ADAMTS17: variants seen among roughly 807,000 people sequenced by gnomAD.
ADAMTS17 encodes the protein A disintegrin and metalloproteinase with thrombospondin motifs 17.
ADAMTS17 carries 113 observed loss-of-function variants against 141.5 expected under a neutral mutation model. The ratio of observed to expected loss-of-function variants is 0.80; its 90% CI spans 0.69 to 0.93. The LOEUF (loss-of-function observed/expected upper bound fraction) is 0.93. Ranked by LOEUF, ADAMTS17 falls within the 40% of genes least tolerant of loss-of-function variation. The pLI, the probability that ADAMTS17 is intolerant of heterozygous loss-of-function variation, is 0.00. For synonymous variants in ADAMTS17, 768 were observed against 630.6 expected (o/e 1.22, Z -3.27); for missense variants, 1,659 against 1,517.9 (o/e 1.09, Z -1.54).
chr15:100,156,699 GC>G (rs1404468718), intron 8 of ADAMTS17, among the ~76,000 whole-genome samples: 1 of 152,206 alleles, frequency 6.6e-6, no homozygotes, highest in Non-Finnish European at 1.5e-5. Context: ...TTAGCCAGTA[GC>G]TAAGATAGAC....
At chr15:100,006,647 G>C (rs2573664) in intron 18 of ADAMTS17, among the ~76,000 whole-genome samples, 1 of 152,224 alleles carries the variant, frequency 6.6e-6, no homozygotes, top group African/African-American at 2.4e-5. Flanking sequence ...GGTTTGTCCA[G>C]GGGTCCAGTG....
chr15:100,190,842 A>C (rs183145890), intron 8 of ADAMTS17, among the ~76,000 whole-genome samples: 2 of 152,362 alleles, frequency 1.3e-5, no homozygotes, highest in African/African-American at 2.4e-5. Flanking sequence ...CCAGTTACCA[A>C]GAGAGCCACC....
At chr15:100,182,847 G>GAGCTTATCCTATTTGGGATTCACTC (rs2040572578) in intron 8 of ADAMTS17, among the ~76,000 whole-genome samples, 2 of 152,140 alleles carry the variant, frequency 1.3e-5, no homozygotes, top group Admixed American at 6.5e-5. Flanking sequence ...GAATTTCTTA[G>GAGCTTATCCTATTTGGGATTCACTC]AGCTTATCCT....
chr15:100,310,574 G>T (rs758753985), intron 3 of ADAMTS17, among the ~76,000 whole-genome samples: 1 of 152,204 alleles, frequency 6.6e-6, no homozygotes, highest in Admixed American at 6.5e-5. Context: ...AGGGTGCAGT[G>T]TGGACACCAG....
At chr15:100,205,134 C>T (rs2041485500) in intron 7 of ADAMTS17, among the ~76,000 whole-genome samples, 1 of 152,108 alleles carries the variant, frequency 6.6e-6, no homozygotes, top group Non-Finnish European at 1.5e-5. Flanking sequence ...GCTTCGGTTT[C>T]CCAGGTACCT....
intron 18 of ADAMTS17, among the ~76,000 whole-genome samples, chr15:100,036,164 G>C (rs757392749): frequency 6.6e-6 from 1 of 152,184 alleles, no homozygotes; most frequent in Non-Finnish European, 1.5e-5. Context: ...AGCCATGGTG[G>C]GTGCATGACT....
chr15:100,113,821 T>TG (rs1345144927), intron 13 of ADAMTS17, among the ~76,000 whole-genome samples: 1 of 152,258 alleles, frequency 6.6e-6, no homozygotes, highest in East Asian at 1.9e-4. Flanking sequence ...GGCTCAGACC[T>TG]GGGGGGTTCT....
intron 7 of ADAMTS17, among the ~76,000 whole-genome samples, chr15:100,219,190 G>C (rs552366908): frequency 6.6e-6 from 1 of 152,208 alleles, no homozygotes; most frequent in Non-Finnish European, 1.5e-5. Context: ...GGGGACAAGA[G>C]TGTTGACAGG....
chr15:100,148,628 T>C (rs1191340130), intron 10 of ADAMTS17, among the ~76,000 whole-genome samples: 1 of 152,170 alleles, frequency 6.6e-6, no homozygotes, highest in East Asian at 1.9e-4. Flanking sequence ...ATAACTTATC[T>C]GTTTTTCCTC....
chr15:100,174,889 C>T (rs939485786), intron 8 of ADAMTS17, among the ~76,000 whole-genome samples: 2 of 152,182 alleles, frequency 1.3e-5, no homozygotes, highest in Admixed American at 6.5e-5. Flanking sequence ...GCTCTTTCCA[C>T]AAAATCTCAT....
At chr15:99,984,771 G>C (rs1453130882) in intron 20 of ADAMTS17, among the ~76,000 whole-genome samples, 1 of 152,248 alleles carries the variant, frequency 6.6e-6, no homozygotes, top group South Asian at 2.1e-4. Flanking sequence ...TGACAAAAAA[G>C]CACTCCTTAG....
intron 3 of ADAMTS17, among the ~76,000 whole-genome samples, chr15:100,310,021 G>A (rs1188978834): frequency 6.6e-6 from 1 of 152,204 alleles, no homozygotes; most frequent in African/African-American, 2.4e-5. Context: ...AGATGCTCTT[G>A]TCACTGCAAC....
intron 4 of ADAMTS17, among the ~76,000 whole-genome samples, chr15:100,270,851 C>G (rs115648270): frequency 6.9e-6 from 1 of 144,102 alleles, no homozygotes; most frequent in Non-Finnish European, 1.5e-5. Flanking sequence ...TACTACCTAT[C>G]CCCAAAACTT....
At chr15:100,025,133 T>G (rs1347049056) in intron 18 of ADAMTS17, among the ~76,000 whole-genome samples, 1 of 152,236 alleles carries the variant, frequency 6.6e-6, no homozygotes, top group South Asian at 2.1e-4. Context: ...AAATGGCTGC[T>G]GTGTTATTTG....
At chr15:100,261,418 T>C in intron 6 of ADAMTS17, 61 bp downstream of exon 6, 9 of 1,609,896 alleles carry the variant, frequency 5.6e-6, no homozygotes, top group Non-Finnish European at 7.6e-6. Flanking sequence ...GCCTATTTCC[T>C]CTCTGAAGGG....
At chr15:100,122,032 T>A (rs916009878) in intron 12 of ADAMTS17, among the ~76,000 whole-genome samples, 1 of 152,140 alleles carries the variant, frequency 6.6e-6, no homozygotes, top group Admixed American at 6.5e-5. Context: ...TTGCACCCTC[T>A]CTAACAAGGT....
At chr15:100,278,489 CA>C (rs1331936643) in intron 4 of ADAMTS17, among the ~76,000 whole-genome samples, 2 of 152,154 alleles carry the variant, frequency 1.3e-5, no homozygotes, top group African/African-American at 4.8e-5. Context: ...GCCCAGGTCC[CA>C]GGGGCCTCCT....
chr15:100,137,041 G>C (rs1253307379), intron 10 of ADAMTS17, among the ~76,000 whole-genome samples: 1 of 152,214 alleles, frequency 6.6e-6, no homozygotes, highest in Non-Finnish European at 1.5e-5. Context: ...GTTTGCTCAA[G>C]TACTTAGGCA....
chr15:100,055,733 C>G (rs1328494180), intron 15 of ADAMTS17, among the ~76,000 whole-genome samples: 1 of 152,198 alleles, frequency 6.6e-6, no homozygotes, highest in Non-Finnish European at 1.5e-5. Context: ...CCACAGTTTC[C>G]TCTCCTTTTT....
Sources: gnomAD v4.1 joint callset for allele counts (sites outside exome capture counted in the v4.1 genomes callset) on GRCh38, gnomAD v4.1.1 for gene constraint, MANE v1.5 for transcripts, NCBI Gene and HGNC (gene_info 2026-07-23, HGNC 2026-07-21) for gene names.